The following ADPRHL1 variants were observed in gnomAD, a reference collection of about 807,000 sequenced individuals.
ADPRHL1 encodes inactive ADP-ribosyltransferase ARH2.
ADPRHL1 carries 43 observed loss-of-function variants against 44.1 expected under a neutral mutation model. That is an observed-to-expected ratio of 0.98 (90% CI 0.76 to 1.26). The LOEUF (loss-of-function observed/expected upper bound fraction) is 1.26. Ranked by LOEUF, ADPRHL1 falls within the 50% of genes most tolerant of loss-of-function variation. ADPRHL1 has a pLI of 0.00. For synonymous variants in ADPRHL1, 878 were observed against 1,017.4 expected (o/e 0.86, Z 2.61); for missense variants, 2,022 against 2,496.9 (o/e 0.81, Z 4.05).
In ADPRHL1 at chr13:113,401,275, G is replaced by A. The variant is rs75177032; in HGVS notation, c.*2103C>T. ...CCCTCTCATGGGCCTCTCCGTTTGG[G>A]TGGCTCCGAGAGGCCAACTCCAGCC... On this transcript the variant is annotated 3_prime_UTR_variant, in exon 8 of 8. Transcript: ENST00000612156. The surrounding 1 kb of genome is among the most constrained non-coding windows in gnomAD (Gnocchi z 5.5). 7,349 of 152,242 alleles carry A rather than the reference G, an allele frequency of 0.048. 311 individuals are homozygous for A. Among genetic ancestry groups the A allele is most frequent in the African/African-American group, 0.12 (4,838 of 41,528 alleles). 9.4% of individuals were successfully genotyped at this position (152,242 alleles called of 1,614,324 possible). A position where few individuals can be genotyped will look rare whatever the true frequency, so the allele number is the denominator to read the frequency against.
At position 113,441,193 on chromosome 13, in the gene ADPRHL1, G is replaced by C. The variant is rs553181034; in HGVS notation, c.379+3232C>G. Among the ~76,000 whole-genome samples, 2 of 152,228 alleles carry C rather than the reference G, an allele frequency of 1.3e-5. No homozygotes were observed. Among genetic ancestry groups the C allele is most frequent in the East Asian group, 3.9e-4 (2 of 5,186 alleles). On this transcript the variant is annotated intron_variant, in intron 2 of 7. Coordinates refer to ENST00000612156, the MANE Select transcript of ADPRHL1 (RefSeq NM_001394807.1). This position sits in a 1 kb window ranked among gnomAD's most constrained non-coding sequence, Gnocchi z 6.0. ...TTTCTTATAAGCAGCACATAGTTGG[G>C]GGCTGGGACCTGCTTCTTTATCTAA...
chr13:113,431,621 A>G (rs2044008123), intron 3 of ADPRHL1, among the ~76,000 whole-genome samples: 1 of 152,254 alleles, frequency 6.6e-6, no homozygotes, highest in African/African-American at 2.4e-5. Context: ...GTAGAGTTAA[A>G]AAGCACTTTG....
At chr13:113,416,919 G>A (rs1051886212) in intron 7 of ADPRHL1, among the ~76,000 whole-genome samples, 12 of 152,232 alleles carry the variant, frequency 7.9e-5, no homozygotes, top group African/African-American at 2.7e-4. Context: ...GTGTGCGTGC[G>A]AATGCACGAG....
At position 113,413,164 on chromosome 13, in the gene ADPRHL1, G is replaced by A. The variant is rs543953128; in HGVS notation, c.1062-4944C>T. Among the ~76,000 whole-genome samples the A allele has an allele frequency of 2.0e-5, 3 of 149,522 alleles. No homozygotes were observed. The East Asian group carries it at 5.8e-4, about 29-fold the overall frequency. On this transcript the variant is annotated intron_variant, in intron 7 of 7. Transcript: ENST00000612156. ...GTTCACCCACCGCCAACAGCGCCTC[G>A]CAGAACTCGGTTCACCCACTGCACA...
At position 113,403,834 on chromosome 13, in the gene ADPRHL1, C is replaced by A. The variant is rs2043782321; in HGVS notation, c.5448G>T (p.Arg1816=). The A allele has an allele frequency of 2.6e-6, 3 of 1,166,638 alleles. No individual in the cohort carries two copies. The highest frequency in any genetic ancestry group is 3.2e-6 in the Non-Finnish European group (3 of 948,194). 72.3% of individuals were successfully genotyped at this position (1,166,638 alleles called of 1,614,324 possible). The change falls in exon 8 of 8, where the codon CGG becomes CGT. Residue 1816 remains arginine, a synonymous_variant. Coordinates refer to ENST00000612156, the MANE Select transcript of ADPRHL1 (RefSeq NM_001394807.1). ...EQALTSGMAP[R]AWEQPISGIA... ...TGCCACTAATGGGCTGCTCCCAGGCCCGAGGCGCCATCCCACTTGTCAAGG... is the reference window on the plus strand; with the variant it reads ...TGCCACTAATGGGCTGCTCCCAGGCACGAGGCGCCATCCCACTTGTCAAGG...
At chr13:113,418,212 G>T (rs1344791143) in intron 7 of ADPRHL1, among the ~76,000 whole-genome samples, 1 of 151,942 alleles carries the variant, frequency 6.6e-6, no homozygotes. Flanking sequence ...TCTACAAAAT[G>T]GGGGTAGTAA....
At chr13:113,423,009 G>A in intron 6 of ADPRHL1, 30 bp from the exon 7 acceptor site, 2 of 1,612,004 alleles carry the variant, frequency 1.2e-6, no homozygotes, top group Non-Finnish European at 1.7e-6. Flanking sequence ...GTTGCAGTGG[G>A]CTCCACCTGA....
At chr13:113,410,459 C>T (rs2139600544) in intron 7 of ADPRHL1, among the ~76,000 whole-genome samples, 1 of 152,344 alleles carries the variant, frequency 6.6e-6, no homozygotes, top group Non-Finnish European at 1.5e-5. Context: ...CCTTCCAAAC[C>T]TGCCAAGGAT....
intron 1 of ADPRHL1, among the ~76,000 whole-genome samples, chr13:113,446,887 A>C (rs2044142688): frequency 2.1e-5 from 3 of 146,016 alleles, no homozygotes; most frequent in Non-Finnish European, 4.5e-5. Flanking sequence ...CATGGTGTCT[A>C]CAGTCACGGT....
rs1251039613 is a variant in ADPRHL1, at chr13:113,444,382, C to T, written c.379+43G>A. The T allele has an allele frequency of 3.1e-6, 5 of 1,602,266 alleles. No homozygotes were observed. The Admixed American group carries it at 8.4e-5, about 27-fold the overall frequency. Reference sequence around the variant, plus strand: ...GCAGATGGTTAGGACCGCAGGGTCCCCAGCAGGGTGGCTTTAGGGGGAGAG... The same window carrying T: ...GCAGATGGTTAGGACCGCAGGGTCCTCAGCAGGGTGGCTTTAGGGGGAGAG... On this transcript the variant is annotated intron_variant, in intron 2 of 7. Transcript: ENST00000612156.
chr13:113,412,264 G>A (rs942102095), intron 7 of ADPRHL1, among the ~76,000 whole-genome samples: 16 of 152,118 alleles, frequency 1.1e-4, no homozygotes, highest in African/African-American at 2.4e-4. Context: ...TGCAAGCTCC[G>A]CCTCCCAGGT....
chr13:113,442,146 A>AT (rs1295422451), intron 2 of ADPRHL1, among the ~76,000 whole-genome samples: 1 of 152,134 alleles, frequency 6.6e-6, no homozygotes, highest in Non-Finnish European at 1.5e-5. Flanking sequence ...TCTGAAAGAT[A>AT]TTTTTTTCAG....
intron 3 of ADPRHL1, 124 bp downstream of exon 3, chr13:113,433,617 CA>C (rs1175352810): frequency 4.8e-6 from 7 of 1,448,442 alleles, no homozygotes; most frequent in Non-Finnish European, 2.8e-6. Flanking sequence ...CTCCTTTAAG[CA>C]GACGTGCAGA....
chr13:113,424,988 G>A, intron 5 of ADPRHL1, 64 bp downstream of exon 5: 1 of 1,591,172 alleles, frequency 6.3e-7, no homozygotes, highest in Non-Finnish European at 8.6e-7. Flanking sequence ...CCATCCACTT[G>A]CTATGCACTT....
In ADPRHL1 at chr13:113,407,386, G is replaced by A; in HGVS notation, c.1896C>T (p.Ser632=). Residue 632 remains serine, a synonymous_variant, in exon 8 of 8, where the codon AGC becomes AGT. Transcript: ENST00000612156. Reference sequence around the variant, plus strand: ...TGATTTTGGTGCAGTGGGACAGCCAGCTCCTGGGGCCACAGACGACGGTGG... The same window carrying A: ...TGATTTTGGTGCAGTGGGACAGCCAACTCCTGGGGCCACAGACGACGGTGG... ...SIATVVCGPR[S]WLSHCTKISH... 1 of 1,232,070 alleles carries A rather than the reference G, an allele frequency of 8.1e-7. No homozygotes were observed. Among genetic ancestry groups the A allele is most frequent in the Non-Finnish European group, 1.0e-6 (1 of 988,078 alleles). 76.3% of individuals were successfully genotyped at this position (1,232,070 alleles called of 1,614,324 possible).
chr13:113,446,101 ACGCAGGGCCCCACAGCTG>A (rs2044135329), intron 1 of ADPRHL1, among the ~76,000 whole-genome samples: 1 of 143,224 alleles, frequency 7.0e-6, no homozygotes, highest in Non-Finnish European at 1.5e-5. Context: ...CAGAGAGAGT[ACGCAGGGCCCCACAGCTG>A]CAGGCCCCCC....
rs1595536191 is a variant in ADPRHL1, at chr13:113,406,871, A to G, written c.2411T>C (p.Leu804Pro). ...TGGGAAATACTTCTGGGTGGCAAAG[A>G]GGGGGTCTCTCCCTGGGTCTGGGAA... ...AGFPDPGRDP[L>P]FATQKYFPEQ... The change falls in exon 8 of 8, where the codon CTC (leucine) becomes CCC (proline). Residue 804 changes from leucine (L) to proline (P), a missense_variant. This residue lies in a region of ADPRHL1 where 1,221 missense variants were observed against 1,517.8 expected (regional missense o/e 0.80). Transcript: ENST00000612156. 8.1e-7 allele frequency: 1 copy of G among 1,232,296 alleles called. No homozygotes were observed. Among genetic ancestry groups the G allele is most frequent in the East Asian group, 3.2e-5 (1 of 31,698 alleles). The allele number at this position is 1,232,296 out of a possible 1,614,324, so 76.3% of individuals were successfully genotyped here. A position where few individuals can be genotyped will look rare whatever the true frequency, so the allele number is the denominator to read the frequency against.
rs1376251678 is a variant in ADPRHL1 at position 113,404,579 on chromosome 13, G to A, written c.4703C>T (p.Ala1568Val). The A allele has an allele frequency of 6.9e-6, 9 of 1,295,302 alleles. No homozygotes were observed. The South Asian group carries it at 1.9e-4, about 28-fold the overall frequency. 80.2% of individuals were successfully genotyped at this position (1,295,302 alleles called of 1,614,324 possible). A position where few individuals can be genotyped will look rare whatever the true frequency, so the allele number is the denominator to read the frequency against. ...GGCCCCACCCTGAGCTGGTTCCTGT[G>A]CCTGCCCCTGGGCCTCTATCTGGGT... ...WQTQIEAQGQ[A>V]QEPAQGGAQG... Residue 1568 changes from alanine to valine, a missense_variant, in exon 8 of 8, where the codon GCA (alanine) becomes GTA (valine). Around this residue, in one of 8 missense-constraint regions of ADPRHL1, gnomAD observed 32 missense variants for 72.6 expected, o/e 0.44. Transcript: ENST00000612156.
In ADPRHL1 at chr13:113,406,462, T is replaced by C; in HGVS notation, c.2820A>G (p.Pro940=). The C allele has an allele frequency of 8.1e-7, 1 of 1,232,030 alleles. No individual in the cohort carries two copies. Among genetic ancestry groups the C allele is most frequent in the Non-Finnish European group, 1.0e-6 (1 of 987,968 alleles). 76.3% of individuals were successfully genotyped at this position (1,232,030 alleles called of 1,614,324 possible). ...RGAVGADHSV[P]ETLLTQRLQT... is the part of the protein sequence containing the mutation. ...GGAGTCTCTGTGTCAGAAGTGTCTC[T>C]GGGACACTGTGGTCGGCGCCCACAG... Residue 940 remains proline (P), a synonymous_variant, in exon 8 of 8, where the codon CCA becomes CCG. Transcript: ENST00000612156.
Sources: allele counts gnomAD v4.1 joint callset (sites outside exome capture counted in the v4.1 genomes callset), GRCh38; gene constraint gnomAD v4.1.1; regional missense constraint gnomAD v4.1.1; non-coding constraint Gnocchi (gnomAD v3.1); transcripts MANE v1.5; gene names NCBI Gene and HGNC (gene_info 2026-07-23, HGNC 2026-07-21).